The following BIRC6 variants were observed in gnomAD, a reference collection of about 807,000 sequenced individuals.
The protein encoded by BIRC6 is dual E2 ubiquitin-conjugating enzyme/E3 ubiquitin-protein ligase BIRC6.
A neutral mutation model predicts 503.3 loss-of-function variants in BIRC6; 98 were observed. The ratio of observed to expected loss-of-function variants is 0.19; its 90% CI spans 0.17 to 0.23. The LOEUF (loss-of-function observed/expected upper bound fraction) is 0.23. Among genes scored for constraint, BIRC6 ranks in the 10% least tolerant of loss-of-function variants. The pLI is 1.00. For synonymous variants in BIRC6, 2,240 were observed against 2,078.7 expected, an observed-to-expected ratio of 1.08 and a Z score of -2.11; for missense variants, 5,360 against 5,806.0, an observed-to-expected ratio of 0.92 and a Z score of 2.50.
chr2:32,377,902 C>A, intron 2 of BIRC6, 133 bp downstream of exon 2: 1 of 733,172 alleles, frequency 1.4e-6, no homozygotes, highest in East Asian at 3.0e-5. Context: ...ACTTATTGAC[C>A]ACAACTTCAT....
At chr2:32,520,706 A>G (rs547262982) in intron 57 of BIRC6, among the ~76,000 whole-genome samples, 2 of 152,296 alleles carry the variant, frequency 1.3e-5, no homozygotes, top group Admixed American at 1.3e-4. Flanking sequence ...AGTCCCACCT[A>G]TCTGGGGGAC....
At position 32,609,177 on chromosome 2, in the gene BIRC6, C is replaced by T. The variant is rs183010827; in HGVS notation, c.14259+1534C>T. 3.9e-3 allele frequency among the ~76,000 whole-genome samples: 599 copies of T among 152,228 alleles called. 3 individuals carry two copies. Among genetic ancestry groups the T allele is most frequent in the African/African-American group, 0.014 (566 of 41,516 alleles). On this transcript the variant is annotated intron_variant, in intron 72 of 73. Transcript: ENST00000421745. ...GGAATTACAGGCGTGAGCCACTGCG[C>T]CTGGCCACGTTTCCTTTTCTTTAGG...
intron 23 of BIRC6, among the ~76,000 whole-genome samples, chr2:32,461,039 T>C (rs1416358770): frequency 0.036 from 2,603 of 72,008 alleles, 195 homozygotes; most frequent in Non-Finnish European, 0.058. Flanking sequence ...TCTCTTCTCT[T>C]CTCTTCTCTT....
At chr2:32,509,570 G>C (rs1418673699) in intron 51 of BIRC6, 168 bp from the exon 52 acceptor site, 6 of 753,644 alleles carry the variant, frequency 8.0e-6, no homozygotes, top group East Asian at 2.7e-5. Context: ...ATCTTATAGG[G>C]GAAACTTACT....
intron 60 of BIRC6, 25 bp downstream of exon 60, chr2:32,529,849 A>G: frequency 6.9e-7 from 1 of 1,455,122 alleles, no homozygotes. Context: ...CTACTTTAAA[A>G]ATTACAGACT....
chr2:32,370,474 T>A (rs1208920257), intron 1 of BIRC6, among the ~76,000 whole-genome samples: 1 of 152,192 alleles, frequency 6.6e-6, no homozygotes, highest in Non-Finnish European at 1.5e-5. Context: ...CATTGTGTTT[T>A]ATGTTGTATT....
chr2:32,524,760 T>C, intron 57 of BIRC6, 128 bp from the exon 58 acceptor site: 1 of 638,044 alleles, frequency 1.6e-6, no homozygotes, highest in Non-Finnish European at 2.3e-6. Flanking sequence ...CCATTTCTCC[T>C]AAATTCCTTT....
At position 32,388,800 on chromosome 2, in the gene BIRC6, C is replaced by T. The variant is rs1268261428; in HGVS notation, c.696C>T (p.Ala232=). ...HLPHHVLKSI[A]SAIVNELKKI... is the part of the protein sequence containing the mutation. The stretch of plus-strand genomic sequence containing the variant: ...CTCATCATGTGTTGAAGTCCATTGC[C>T]AGTGCCATTGTAAATGAACTCAAGA... The change falls in exon 4 of 74, where the codon GCC becomes GCT. Residue 232 remains alanine, a synonymous_variant. Coordinates refer to ENST00000421745, the MANE Select transcript of BIRC6 (RefSeq NM_016252.4). 6.2e-7 allele frequency: 1 copy of T among 1,612,050 alleles called. No homozygotes were observed. The highest frequency in any genetic ancestry group is 8.5e-7 in the Non-Finnish European group (1 of 1,179,178).
chr2:32,416,275 T>C, intron 10 of BIRC6, 112 bp downstream of exon 10: 1 of 1,128,766 alleles, frequency 8.9e-7, no homozygotes, highest in Non-Finnish European at 1.2e-6. Flanking sequence ...AGGAATTAAT[T>C]TTTTTGTAAT....
At chr2:32,597,439 A>C (rs1199837922) in intron 68 of BIRC6, among the ~76,000 whole-genome samples, 1 of 152,180 alleles carries the variant, frequency 6.6e-6, no homozygotes, top group South Asian at 2.1e-4. Context: ...CCTGTCCTCT[A>C]TATGATATAA....
chr2:32,392,501 C>T (rs771145837), intron 5 of BIRC6, among the ~76,000 whole-genome samples: 3 of 152,202 alleles, frequency 2.0e-5, no homozygotes, highest in Admixed American at 1.3e-4. Flanking sequence ...GGTGATCTGC[C>T]TGCCTCGGCC....
intron 65 of BIRC6, among the ~76,000 whole-genome samples, chr2:32,549,998 T>C (rs1342690519): frequency 2.6e-5 from 4 of 152,196 alleles, no homozygotes; most frequent in Non-Finnish European, 5.9e-5. Flanking sequence ...TTGAATAATA[T>C]AGTTTATTAT....
intron 68 of BIRC6, among the ~76,000 whole-genome samples, chr2:32,596,107 C>T (rs2061655437): frequency 6.6e-6 from 1 of 151,848 alleles, no homozygotes; most frequent in African/African-American, 2.4e-5. Context: ...TAGCAATTAC[C>T]AAGGTTTTTT....
At chr2:32,605,244 C>A (rs1403793390) in intron 71 of BIRC6, among the ~76,000 whole-genome samples, 2 of 152,098 alleles carry the variant, frequency 1.3e-5, no homozygotes, top group African/African-American at 2.4e-5. Flanking sequence ...TAGGCCCCAG[C>A]GTCTGCAAAA....
At chr2:32,389,005 A>C in intron 4 of BIRC6, 62 bp downstream of exon 4, 1 of 1,062,348 alleles carries the variant, frequency 9.4e-7, no homozygotes, top group Non-Finnish European at 1.2e-6. Context: ...GCATTAAACA[A>C]GGAATAACTA....
chr2:32,545,955 C>T (rs1211239655), intron 63 of BIRC6, 95 bp downstream of exon 63: 12 of 1,100,892 alleles, frequency 1.1e-5, no homozygotes, highest in African/African-American at 1.6e-5. Flanking sequence ...CTTTCAGAGA[C>T]TTGGGTGTTC....
At chr2:32,440,376 T>C (rs1057045301) in intron 16 of BIRC6, among the ~76,000 whole-genome samples, 6 of 152,144 alleles carry the variant, frequency 3.9e-5, no homozygotes, top group African/African-American at 1.4e-4. Context: ...GAAAGAGAAG[T>C]TGGGGCGTAA....
rs761511230 is a variant in BIRC6 at position 32,599,916 on chromosome 2, T to A, written c.13992+16T>A. 3 of 1,605,190 alleles carry A rather than the reference T, an allele frequency of 1.9e-6. 1 individual carries two copies. In the Admixed American group the frequency reaches 5.1e-5, roughly 28 times the overall value. On this transcript the variant is annotated intron_variant, in intron 70 of 73. Transcript: ENST00000421745. ...TGATGGCAAGGTAAATTAATTGCAA[T>A]TTTTTGTTTCAAATGCCAATGATTG...
At chr2:32,575,455 T>A in intron 66 of BIRC6, 89 bp downstream of exon 66, 2 of 1,272,440 alleles carry the variant, frequency 1.6e-6, no homozygotes. Context: ...TTCAGTGATA[T>A]GTGCTTTTTA....
Sources: gnomAD v4.1 joint callset for allele counts (sites outside exome capture counted in the v4.1 genomes callset) on GRCh38, gnomAD v4.1.1 for gene constraint, MANE v1.5 for transcripts, NCBI Gene and HGNC (gene_info 2026-07-23, HGNC 2026-07-21) for gene names.